The following RBMS1 variants were observed in gnomAD, a reference collection of about 807,000 sequenced individuals.
The protein encoded by RBMS1 is RNA binding motif single stranded interacting protein 1.
A neutral mutation model predicts 62.3 loss-of-function variants in RBMS1; 17 were observed. The ratio of observed to expected loss-of-function variants is 0.27; its 90% CI spans 0.19 to 0.41. RBMS1 has a LOEUF of 0.41. Among genes scored for constraint, RBMS1 ranks in the 10% least tolerant of loss-of-function variants. The pLI is 1.00. For synonymous variants in RBMS1, 172 were observed against 170.0 expected (o/e 1.01, Z -0.09); for missense variants, 334 against 504.5 (o/e 0.66, Z 3.24).
intron 1 of RBMS1, among the ~76,000 whole-genome samples, chr2:160,405,345 T>TA (rs1471946188): frequency 6.6e-6 from 1 of 152,056 alleles, no homozygotes; most frequent in African/African-American, 2.4e-5. Flanking sequence ...ATCATATACC[T>TA]AAAATCTGCC....
intron 1 of RBMS1, among the ~76,000 whole-genome samples, chr2:160,381,067 C>T (rs1415018582): frequency 1.3e-5 from 2 of 152,132 alleles, no homozygotes; most frequent in African/African-American, 4.8e-5. Flanking sequence ...ATTCTGCTCT[C>T]CCCAGGAATA....
At chr2:160,415,242 A>T (rs1013859248) in intron 1 of RBMS1, among the ~76,000 whole-genome samples, 1 of 152,188 alleles carries the variant, frequency 6.6e-6, no homozygotes, top group Non-Finnish European at 1.5e-5. Flanking sequence ...TAAAACTCAT[A>T]AATTGTGATG....
chr2:160,289,792 C>T (rs1261002065), intron 6 of RBMS1, among the ~76,000 whole-genome samples: 2 of 151,802 alleles, frequency 1.3e-5, no homozygotes, highest in Non-Finnish European at 2.9e-5. Context: ...ATTGCTGTTC[C>T]ATTTATTTGA....
At position 160,451,640 on chromosome 2, in the gene RBMS1, G is replaced by A. The variant is rs139656376; in HGVS notation, c.75+41649C>T. On this transcript the variant is annotated intron_variant, in intron 1 of 13. Transcript: ENST00000348849. ...ATTATTATTTTTTTGACAGAGTCTT[G>A]CTCTGTCAGTCAGGCTGGAGTGCAG... Among the ~76,000 whole-genome samples the A allele has an allele frequency of 9.2e-5, 14 of 152,018 alleles. No homozygotes were observed. In the East Asian group the frequency reaches 2.7e-3, roughly 29 times the overall value.
chr2:160,407,321 G>A (rs1016551003), intron 1 of RBMS1: 15 of 982,554 alleles, frequency 1.5e-5, no homozygotes, highest in Non-Finnish European at 1.7e-5. Flanking sequence ...GTCGCCGGCC[G>A]AGCAGTCCCC....
rs139812835 is a variant in RBMS1 at position 160,399,784 on chromosome 2, A to G, written c.76-32393T>C. 2.3e-3 allele frequency among the ~76,000 whole-genome samples: 345 copies of G among 152,318 alleles called. 5 individuals carry two copies. Among genetic ancestry groups the G allele is most frequent in the African/African-American group, 7.8e-3 (325 of 41,572 alleles). On this transcript the variant is annotated intron_variant, in intron 1 of 13. Coordinates refer to ENST00000348849, the MANE Select transcript of RBMS1 (RefSeq NM_016836.4). The stretch of plus-strand genomic sequence containing the variant: ...GCAGTTCTCCAAAGAGGAGAGAGAC[A>G]AAGAGATTTTGTCTTAGAACAGAGA...
intron 1 of RBMS1, among the ~76,000 whole-genome samples, chr2:160,433,367 T>C (rs762806985): frequency 1.3e-5 from 2 of 152,228 alleles, no homozygotes; most frequent in Admixed American, 1.3e-4. Flanking sequence ...TGAGCCGAGA[T>C]TGTGCCACTG....
chr2:160,292,462 G>A (rs948026088), intron 6 of RBMS1, among the ~76,000 whole-genome samples: 2 of 152,300 alleles, frequency 1.3e-5, no homozygotes, highest in South Asian at 2.1e-4. Context: ...GGTTCAGAAG[G>A]TCTAAACACT....
At chr2:160,355,781 C>A (rs1247576824) in intron 2 of RBMS1, among the ~76,000 whole-genome samples, 1 of 152,102 alleles carries the variant, frequency 6.6e-6, no homozygotes, top group East Asian at 1.9e-4. Context: ...CATGCAATCA[C>A]TCCCTACTTT....
rs199733574 is a variant in RBMS1, at chr2:160,472,776, C to CA, written c.75+20512dup. Among the ~76,000 whole-genome samples, 380 of 152,272 alleles carry CA rather than the reference C, an allele frequency of 2.5e-3. 1 individual carries two copies. The highest frequency in any genetic ancestry group is 8.4e-3 in the African/African-American group (351 of 41,572). ...CTTTGACAGTCACAGAAATAATTCT[C>CA]ATTCAGTGATCCTTTTATTATTGCT... On this transcript the variant is annotated intron_variant, in intron 1 of 13. Transcript: ENST00000348849.
intron 1 of RBMS1, among the ~76,000 whole-genome samples, chr2:160,387,338 G>A (rs1415420973): frequency 6.6e-6 from 1 of 151,950 alleles, no homozygotes; most frequent in Non-Finnish European, 1.5e-5. Context: ...CTTCCCTTAG[G>A]AGGGATGAAT....
intron 1 of RBMS1, among the ~76,000 whole-genome samples, chr2:160,387,754 C>A (rs1694661224): frequency 6.6e-6 from 1 of 152,048 alleles, no homozygotes; most frequent in Non-Finnish European, 1.5e-5. Context: ...TCCTCCCACC[C>A]CATAATGTGC....
chr2:160,301,072 T>C (rs2105950515), intron 5 of RBMS1, among the ~76,000 whole-genome samples: 1 of 152,324 alleles, frequency 6.6e-6, no homozygotes, highest in African/African-American at 2.4e-5. Flanking sequence ...GAATTGCAGA[T>C]ACAACAGTTT....
chr2:160,487,352 G>C (rs1029257738), intron 1 of RBMS1, among the ~76,000 whole-genome samples: 1 of 152,188 alleles, frequency 6.6e-6, no homozygotes, highest in Non-Finnish European at 1.5e-5. Context: ...TGCTGCTTTC[G>C]TGGGTGCACT....
intron 4 of RBMS1, among the ~76,000 whole-genome samples, chr2:160,310,468 G>A (rs1689787392): frequency 6.6e-6 from 1 of 152,194 alleles, no homozygotes; most frequent in African/African-American, 2.4e-5. Flanking sequence ...GACTGAAAAT[G>A]TATTGAAACA....
At chr2:160,445,336 G>T (rs1683598896) in intron 1 of RBMS1, among the ~76,000 whole-genome samples, 1 of 152,098 alleles carries the variant, frequency 6.6e-6, no homozygotes, top group Non-Finnish European at 1.5e-5. Context: ...CAGATTTTTA[G>T]CATAACTAGA....
At chr2:160,452,835 A>C (rs1299802742) in intron 1 of RBMS1, among the ~76,000 whole-genome samples, 1 of 152,234 alleles carries the variant, frequency 6.6e-6, no homozygotes, top group Non-Finnish European at 1.5e-5. Context: ...TACGAGTATG[A>C]TAAAAGTCTC....
intron 1 of RBMS1, among the ~76,000 whole-genome samples, chr2:160,386,176 G>A (rs1254187628): frequency 6.6e-6 from 1 of 152,202 alleles, no homozygotes; most frequent in Non-Finnish European, 1.5e-5. Flanking sequence ...CAAATACTTT[G>A]AATTGAATGT....
intron 1 of RBMS1, among the ~76,000 whole-genome samples, chr2:160,383,788 A>G (rs1694419185): frequency 6.6e-6 from 1 of 152,226 alleles, no homozygotes; most frequent in African/African-American, 2.4e-5. Context: ...TGTAATACCA[A>G]TGAGTTCTTT....
Sources: gnomAD v4.1 joint callset for allele counts (sites outside exome capture counted in the v4.1 genomes callset) on GRCh38, gnomAD v4.1.1 for gene constraint, MANE v1.5 for transcripts, NCBI Gene and HGNC (gene_info 2026-07-23, HGNC 2026-07-21) for gene names.